The following DIPK1B variants were observed in gnomAD, a reference collection of about 807,000 sequenced individuals.
DIPK1B encodes the protein divergent protein kinase domain 1B.
Under a neutral mutation model 20.7 loss-of-function variants are expected in DIPK1B, and 17 were observed. The ratio of observed to expected loss-of-function variants is 0.82; its 90% confidence interval spans 0.56 to 1.23. The LOEUF is 1.23. DIPK1B is among the 50% of genes most tolerant of loss of function. The pLI, the probability that DIPK1B is intolerant of heterozygous loss-of-function variation, is 0.00. For synonymous variants in DIPK1B, 343 were observed against 276.5 expected (o/e 1.24, Z -2.39); for missense variants, 648 against 601.8 (o/e 1.08, Z -0.80).
chr9:136,723,802 T>C lies in DIPK1B; in HGVS notation c.*28T>C, dbSNP rs967360837. ...GGGCAGTGAGGGGCCTGGCCACCCTTCCTGGAGCTGGCCAGGTGCCAGGGT... is the reference window on the plus strand; with the variant it reads ...GGGCAGTGAGGGGCCTGGCCACCCTCCCTGGAGCTGGCCAGGTGCCAGGGT... On this transcript the variant is annotated 3_prime_UTR_variant, in exon 5 of 5. Transcript: ENST00000371692. The C allele has an allele frequency of 7.2e-6, 11 of 1,525,448 alleles. No homozygotes were observed. In the African/African-American group the frequency reaches 1.5e-4, roughly 21 times the overall value. 94.5% of individuals were successfully genotyped at this position (1,525,448 alleles called of 1,614,324 possible). A position where few individuals can be genotyped will look rare whatever the true frequency, so the allele number is the denominator to read the frequency against.
intron 4 of DIPK1B, 73 bp downstream of exon 4, chr9:136,722,374 C>G: frequency 6.7e-7 from 1 of 1,497,182 alleles, no homozygotes; most frequent in Non-Finnish European, 9.1e-7. Context: ...GGCCCTGGCA[C>G]CAACATGCCC....
chr9:136,714,600 C>G (rs1171711409), intron 1 of DIPK1B, among the ~76,000 whole-genome samples: 3 of 152,250 alleles, frequency 2.0e-5, no homozygotes. Flanking sequence ...CGACCTTATC[C>G]TGCCAGAACA....
chr9:136,722,310 G>A lies in DIPK1B; in HGVS notation c.483+9G>A. On this transcript the variant is annotated intron_variant, in intron 4 of 4. Transcript: ENST00000371692. ...CCCTCAGCTTCCTCAAGGTCAGGCA[G>A]CTCTCCTAGGGGGCAGGGCAGGAGT... The A allele has an allele frequency of 6.2e-7, 1 of 1,609,138 alleles. No individual in the cohort carries two copies. The highest frequency in any genetic ancestry group is 1.3e-5 in the African/African-American group (1 of 74,972).
Position 136,717,776 on chromosome 9 carries a change from C to T in DIPK1B, c.198+65C>T, listed in dbSNP as rs1846521484. 4.4e-6 allele frequency: 7 copies of T among 1,597,508 alleles called. No individual in the cohort carries two copies. The Admixed American group carries it at 5.0e-5, about 11-fold the overall frequency. ...CCCTGCTGCCCAAGATGCTGGGGCA[C>T]CAGGCCCTGGAGACACCTTCCTCCC... On this transcript the variant is annotated intron_variant, in intron 2 of 4. Coordinates refer to ENST00000371692, the MANE Select transcript of DIPK1B (RefSeq NM_152421.4).
Position 136,723,647 on chromosome 9 carries a change from GCA to G in DIPK1B, c.1174_1175del (p.Gln392AlafsTer44). The G allele has an allele frequency of 6.4e-7, 1 of 1,563,712 alleles. No individual in the cohort carries two copies. The highest frequency in any genetic ancestry group is 8.6e-7 in the Non-Finnish European group (1 of 1,157,142). ...CCCGCCGACCTCCGCGAGGAGCTGG[GCA>G]CACAGCTGCGCACCTGTACCACGCT... On this transcript the variant is annotated frameshift_variant, in exon 5 of 5. Transcript: ENST00000371692. LOFTEE classifies it low-confidence loss of function (END_TRUNC).
chr9:136,722,139 C>G lies in DIPK1B; in HGVS notation c.321C>G (p.Leu107=), dbSNP rs1229574152. The change falls in exon 4 of 5, where the codon CTC becomes CTG. Residue 107 remains leucine, a synonymous_variant. Transcript: ENST00000371692. The part of the protein sequence containing the change: ...VAPGQQVYSG[L]WRDKDVTIKC... ...GCCCTGTCCAGGTGTACAGCGGGCT[C>G]TGGCGGGACAAGGATGTAACCATCA... The G allele has an allele frequency of 1.2e-6, 2 of 1,613,968 alleles. No individual in the cohort carries two copies. The highest frequency in any genetic ancestry group is 3.3e-5 in the Admixed American group (2 of 60,006).
intron 4 of DIPK1B, chr9:136,722,545 G>C: frequency 3.4e-6 from 2 of 590,470 alleles, no homozygotes; most frequent in Admixed American, 3.0e-5. Context: ...GGCTCCTGCA[G>C]TCAAGGGCCG....
chr9:136,722,652 C>A, intron 4 of DIPK1B: 1 of 562,784 alleles, frequency 1.8e-6, no homozygotes, highest in Non-Finnish European at 3.2e-6. Context: ...CTGCCCTGTG[C>A]CGATTCTCAT....
intron 1 of DIPK1B, among the ~76,000 whole-genome samples, chr9:136,713,774 G>T (rs2131038783): frequency 6.6e-6 from 1 of 152,364 alleles, no homozygotes; most frequent in East Asian, 1.9e-4. Flanking sequence ...TCCCAGGGTG[G>T]CTGGCTCGGG....
intron 2 of DIPK1B, among the ~76,000 whole-genome samples, chr9:136,719,915 A>AG (rs1333331606): frequency 2.9e-5 from 1 of 34,376 alleles, no homozygotes; most frequent in Non-Finnish European, 9.4e-5. Flanking sequence ...CTCCGAGTGC[A>AG]GGGGGCTGTG....
At chr9:136,721,717 G>C in intron 2 of DIPK1B, 1 of 579,206 alleles carries the variant, frequency 1.7e-6, no homozygotes, top group Non-Finnish European at 3.1e-6. Context: ...CCGGAGGGTT[G>C]GCGGGGCTGC....
intron 1 of DIPK1B, among the ~76,000 whole-genome samples, chr9:136,714,355 G>A (rs1423539722): frequency 1.3e-5 from 2 of 152,328 alleles, no homozygotes; most frequent in Middle Eastern, 3.4e-3. Flanking sequence ...AAAGAGCTGG[G>A]GGATGAACCA....
At chr9:136,719,268 G>A (rs1242670468) in intron 2 of DIPK1B, among the ~76,000 whole-genome samples, 3 of 152,126 alleles carry the variant, frequency 2.0e-5, no homozygotes, top group East Asian at 1.9e-4. Context: ...AAGCTGCAGC[G>A]TCGGTTTCCC....
chr9:136,721,618 AC>A (rs1480422928), intron 2 of DIPK1B: 2 of 359,202 alleles, frequency 5.6e-6, no homozygotes, highest in Non-Finnish European at 1.0e-5. Flanking sequence ...TGGGGTCGAC[AC>A]TGGGTGTGGT....
intron 2 of DIPK1B, among the ~76,000 whole-genome samples, chr9:136,719,271 G>C (rs1373549618): frequency 2.0e-5 from 3 of 152,134 alleles, no homozygotes; most frequent in African/African-American, 7.2e-5. Flanking sequence ...CTGCAGCGTC[G>C]GTTTCCCAGG....
intron 1 of DIPK1B, among the ~76,000 whole-genome samples, chr9:136,717,208 T>G (rs1432405191): frequency 6.7e-6 from 1 of 149,650 alleles, no homozygotes; most frequent in East Asian, 2.0e-4. Flanking sequence ...CAGCCTGGGC[T>G]ACAGAGTAAG....
intron 4 of DIPK1B, chr9:136,722,564 G>C (rs1846624199): frequency 1.7e-6 from 1 of 579,846 alleles, no homozygotes; most frequent in Non-Finnish European, 3.1e-6. Context: ...CGTGTGTCCA[G>C]CAGGGCAGGT....
chr9:136,718,447 C>T (rs983748413), intron 2 of DIPK1B, among the ~76,000 whole-genome samples: 1 of 152,122 alleles, frequency 6.6e-6, no homozygotes, highest in Non-Finnish European at 1.5e-5. Context: ...GCAAACGTGT[C>T]CACATGAGTG....
At position 136,723,943 on chromosome 9, in the gene DIPK1B, G is replaced by T. The variant is rs548801552; in HGVS notation, c.*169G>T. 1.4e-6 allele frequency: 1 copy of T among 702,642 alleles called. No homozygotes were observed. The allele number at this position is 702,642 out of a possible 1,614,324, so 43.5% of individuals were successfully genotyped here. On this transcript the variant is annotated 3_prime_UTR_variant, in exon 5 of 5. Coordinates refer to ENST00000371692, the MANE Select transcript of DIPK1B (RefSeq NM_152421.4). ...CACCACAGACATGAGACCCCAGCTC[G>T]GAGCAAAGGCGGACATGGACATCCC... is the stretch of plus-strand genomic sequence containing the variant.
Sources: allele counts gnomAD v4.1 joint callset (sites outside exome capture counted in the v4.1 genomes callset), GRCh38; gene constraint gnomAD v4.1.1; transcripts MANE v1.5; gene names NCBI Gene and HGNC (gene_info 2026-07-23, HGNC 2026-07-21).